The following CD226 variants were observed in gnomAD, a reference collection of about 807,000 sequenced individuals.
CD226 encodes CD226 molecule.
CD226 carries 24 observed loss-of-function variants against 34.9 expected under a neutral mutation model. That is an observed-to-expected ratio of 0.69 (90% CI 0.50 to 0.97). CD226 has a LOEUF of 0.97. Among genes scored for constraint, CD226 ranks in the 50% least tolerant of loss-of-function variants. The pLI is 0.00. For missense variants in CD226, 397 were observed against 412.7 expected, an observed-to-expected ratio of 0.96 and a Z score of 0.33; for synonymous variants, 148 against 147.4, an observed-to-expected ratio of 1.00 and a Z score of -0.03.
intron 3 of CD226, among the ~76,000 whole-genome samples, chr18:69,883,602 G>C (rs77904083): frequency 0.013 from 2,032 of 152,214 alleles, 50 homozygotes; most frequent in African/African-American, 0.046. Context: ...ATCTAAAAAT[G>C]ATAATTTAAA....
intron 3 of CD226, among the ~76,000 whole-genome samples, chr18:69,875,728 T>C (rs1335632297): frequency 6.6e-6 from 1 of 152,210 alleles, no homozygotes; most frequent in East Asian, 1.9e-4. Context: ...TTTAATTGGG[T>C]TGCTCTTTTG....
rs751004022 is a variant in CD226 at position 69,895,689 on chromosome 18, G to A, written c.727+12C>T. On this transcript the variant is annotated intron_variant, in intron 3 of 5. Transcript: ENST00000582621. ...CATGTTTGATACCAGAAGATGTCTG[G>A]TGCTCACTCACCCTCGGCTACAGTC... 4 of 1,596,430 alleles carry A rather than the reference G, an allele frequency of 2.5e-6. No homozygotes were observed. In the South Asian group the frequency reaches 4.4e-5, roughly 18 times the overall value.
At position 69,857,777 on chromosome 18, in the gene CD226, C is replaced by G. The variant is rs1164573407; in HGVS notation, c.*6537G>C. The G allele has an allele frequency of 6.6e-6, 1 of 152,140 alleles. No homozygotes were observed. The highest frequency in any genetic ancestry group is 1.9e-4 in the East Asian group (1 of 5,194). The allele number at this position is 152,140 out of a possible 1,614,324, so 9.4% of individuals were successfully genotyped here. A position where few individuals can be genotyped will look rare whatever the true frequency, so the allele number is the denominator to read the frequency against. Reference sequence around the variant, plus strand: ...GAAAGGGCCTCCACTTATTTGACCACAGGTAGAAGATTGGCTCTGCTTTCT... The same window carrying G: ...GAAAGGGCCTCCACTTATTTGACCAGAGGTAGAAGATTGGCTCTGCTTTCT... On this transcript the variant is annotated 3_prime_UTR_variant, in exon 6 of 6. Transcript: ENST00000582621.
chr18:69,949,940 AC>A (rs1779723630), upstream of CD226, among the ~76,000 whole-genome samples: 1 of 152,078 alleles, frequency 6.6e-6, no homozygotes, highest in Non-Finnish European at 1.5e-5. Context: ...ACATCCACAC[AC>A]ACGCATGCAC....
At chr18:69,934,370 T>A (rs1261860508) in intron 2 of CD226, among the ~76,000 whole-genome samples, 1 of 151,978 alleles carries the variant, frequency 6.6e-6, no homozygotes, top group Non-Finnish European at 1.5e-5. Flanking sequence ...GCATATAGAA[T>A]TTTATGTAGC....
chr18:69,874,523 C>G (rs1360865004), intron 3 of CD226, among the ~76,000 whole-genome samples: 1 of 152,186 alleles, frequency 6.6e-6, no homozygotes, highest in Non-Finnish European at 1.5e-5. Context: ...TCTGAGAGGG[C>G]AGCACAATTT....
At chr18:69,916,869 T>C (rs1394663475) in intron 2 of CD226, among the ~76,000 whole-genome samples, 2 of 152,216 alleles carry the variant, frequency 1.3e-5, no homozygotes, top group East Asian at 1.9e-4. Context: ...CTTTGTGACA[T>C]GGTATCCTTC....
rs569186663 is a variant in CD226 at position 69,901,695 on chromosome 18, T to C, written c.383-5650A>G. 6.4e-3 allele frequency among the ~76,000 whole-genome samples: 978 copies of C among 152,026 alleles called. 6 individuals carry two copies. The highest frequency in any genetic ancestry group is 0.01 in the African/African-American group (434 of 41,474). On this transcript the variant is annotated intron_variant, in intron 2 of 5. Transcript: ENST00000582621. ...GAGATCAAGACCATCCTGGCTAACA[T>C]GGTGAAACCCCGTCTCTACTAAAAA...
intron 3 of CD226, among the ~76,000 whole-genome samples, chr18:69,883,020 T>C (rs148423046): frequency 6.6e-6 from 1 of 152,304 alleles, no homozygotes; most frequent in Non-Finnish European, 1.5e-5. Flanking sequence ...GCCAAGACTG[T>C]TTCTGTTTAG....
chr18:69,943,973 CT>C (rs11350418), intron 2 of CD226, among the ~76,000 whole-genome samples: 29,462 of 136,836 alleles, frequency 0.22, 3,146 homozygotes, highest in Middle Eastern at 0.45. Context: ...GATTCCAAGT[CT>C]TTTTTTTTTT....
intron 2 of CD226, among the ~76,000 whole-genome samples, chr18:69,934,467 G>A (rs143778175): frequency 1.0e-3 from 157 of 152,284 alleles, no homozygotes; most frequent in African/African-American, 3.6e-3. Flanking sequence ...CTCATTAAAT[G>A]GTGCAGCTAA....
intron 2 of CD226, among the ~76,000 whole-genome samples, chr18:69,929,544 C>T (rs2055564460): frequency 6.6e-6 from 1 of 152,134 alleles, no homozygotes; most frequent in African/African-American, 2.4e-5. Flanking sequence ...AGGGCTGCCA[C>T]ATAATAAACA....
chr18:69,925,132 C>T (rs771801867), intron 2 of CD226, among the ~76,000 whole-genome samples: 2 of 152,176 alleles, frequency 1.3e-5, no homozygotes, highest in South Asian at 2.1e-4. Context: ...ACCTGTTGGA[C>T]AAAATGCACT....
intron 2 of CD226, among the ~76,000 whole-genome samples, chr18:69,900,405 C>T (rs1037988431): frequency 1.3e-5 from 2 of 152,138 alleles, no homozygotes; most frequent in Non-Finnish European, 2.9e-5. Flanking sequence ...TGCAACAAAC[C>T]TTCACATGTA....
intron 3 of CD226, among the ~76,000 whole-genome samples, chr18:69,887,867 T>C (rs1440512919): frequency 6.6e-6 from 1 of 152,252 alleles, no homozygotes; most frequent in African/African-American, 2.4e-5. Flanking sequence ...AAAAAACTTA[T>C]ATTCCTGTTG....
intron 2 of CD226, among the ~76,000 whole-genome samples, chr18:69,945,473 TC>T (rs2055777751): frequency 6.6e-6 from 1 of 152,066 alleles, no homozygotes. Flanking sequence ...CAAAAAACAC[TC>T]CAAGGGATCA....
intron 2 of CD226, among the ~76,000 whole-genome samples, chr18:69,922,602 A>C (rs2145312589): frequency 6.6e-6 from 1 of 152,324 alleles, no homozygotes; most frequent in African/African-American, 2.4e-5. Flanking sequence ...TTTACACTAA[A>C]AACAGACTTC....
intron 3 of CD226, among the ~76,000 whole-genome samples, chr18:69,885,380 AC>A (rs2145217672): frequency 6.6e-6 from 1 of 152,304 alleles, no homozygotes; most frequent in East Asian, 1.9e-4. Context: ...TATTCTGATT[AC>A]TCCAGCTCTG....
At position 69,856,734 on chromosome 18, in the gene CD226, A is replaced by T. The variant is rs1012485313; in HGVS notation, c.*7580T>A. On this transcript the variant is annotated 3_prime_UTR_variant, in exon 6 of 6. Transcript: ENST00000582621. Reference sequence around the variant, plus strand: ...GGCTCAAAGAAGAAATATCAAAAGAAATTTTAAAATATTTTGGACTAAATG... The same window carrying T: ...GGCTCAAAGAAGAAATATCAAAAGATATTTTAAAATATTTTGGACTAAATG... 2.0e-5 allele frequency: 3 copies of T among 152,202 alleles called. No individual in the cohort carries two copies. The highest frequency in any genetic ancestry group is 7.2e-5 in the African/African-American group (3 of 41,460). The allele number at this position is 152,202 out of a possible 1,614,324, so 9.4% of individuals were successfully genotyped here.
Sources: allele counts gnomAD v4.1 joint callset (sites outside exome capture counted in the v4.1 genomes callset), GRCh38; gene constraint gnomAD v4.1.1; transcripts MANE v1.5; gene names NCBI Gene and HGNC (gene_info 2026-07-23, HGNC 2026-07-21).